TMPRSS12: variants seen among roughly 807,000 people sequenced by gnomAD.
TMPRSS12 encodes the protein transmembrane serine protease 12.
TMPRSS12 carries 25 observed loss-of-function variants against 26.0 expected under a neutral mutation model. That is an observed-to-expected ratio of 0.96 (90% CI 0.70 to 1.34). The LOEUF (loss-of-function observed/expected upper bound fraction) is 1.34. Ranked by LOEUF, TMPRSS12 falls within the 40% of genes most tolerant of loss-of-function variation. TMPRSS12 has a pLI of 0.00. For synonymous variants in TMPRSS12, 150 were observed against 161.7 expected (o/e 0.93, Z 0.55); for missense variants, 441 against 440.1 (o/e 1.00, Z -0.02).
chr12:50,874,194 AGAAG>A (rs1938092452), intron 3 of TMPRSS12, among the ~76,000 whole-genome samples: 1 of 152,202 alleles, frequency 6.6e-6, no homozygotes, highest in African/African-American at 2.4e-5. Flanking sequence ...CAGAAAATAG[AGAAG>A]GGAGTATTTC....
At position 50,864,354 on chromosome 12, in the gene TMPRSS12, A is replaced by G. The variant is rs563704942; in HGVS notation, c.652+5301A>G. On this transcript the variant is annotated intron_variant, in intron 3 of 4. Transcript: ENST00000398458. ...AATGGATTACAATAAAAAGATCACA[A>G]ATAATTAATATATTTAACATACATA... Among the ~76,000 whole-genome samples the G allele has an allele frequency of 2.6e-5, 4 of 152,284 alleles. No homozygotes were observed. The South Asian group carries it at 8.3e-4, about 32-fold the overall frequency.
chr12:50,874,971 A>G (rs1325662824), intron 3 of TMPRSS12, among the ~76,000 whole-genome samples: 1 of 152,232 alleles, frequency 6.6e-6, no homozygotes, highest in Non-Finnish European at 1.5e-5. Flanking sequence ...TTTCATGTTC[A>G]TAGACAGGAA....
In TMPRSS12 at chr12:50,867,307, T is replaced by G. The variant is rs539040667; in HGVS notation, c.652+8254T>G. Among the ~76,000 whole-genome samples, 3 of 152,272 alleles carry G rather than the reference T, an allele frequency of 2.0e-5. No homozygotes were observed. The South Asian group carries it at 6.2e-4, about 32-fold the overall frequency. On this transcript the variant is annotated intron_variant, in intron 3 of 4. Transcript: ENST00000398458. ...AGAAAAAACAAAACTTCAGGAAACA[T>G]TGGACACACTTACAGAAATGCAAAA... is the stretch of plus-strand genomic sequence containing the variant.
chr12:50,843,709 CGT>C (rs1937736482), intron 1 of TMPRSS12, 131 bp from the exon 2 acceptor site: 1 of 830,732 alleles, frequency 1.2e-6, no homozygotes, highest in African/African-American at 1.8e-5. Context: ...AAAATATGGG[CGT>C]GTCTCCGGTA....
At chr12:50,874,210 C>T (rs1938092581) in intron 3 of TMPRSS12, among the ~76,000 whole-genome samples, 1 of 151,974 alleles carries the variant, frequency 6.6e-6, no homozygotes, top group African/African-American at 2.4e-5. Flanking sequence ...GAGTATTTCC[C>T]AGATAATTAT....
intron 3 of TMPRSS12, among the ~76,000 whole-genome samples, chr12:50,864,221 C>T (rs1456454255): frequency 1.3e-5 from 2 of 152,198 alleles, no homozygotes; most frequent in Non-Finnish European, 2.9e-5. Flanking sequence ...AGCTTAGTAA[C>T]ATCCCAAGAT....
chr12:50,882,627 A>G (rs1314127126), intron 3 of TMPRSS12, among the ~76,000 whole-genome samples: 2 of 25,620 alleles, frequency 7.8e-5, no homozygotes, highest in African/African-American at 2.5e-4. Flanking sequence ...TTTAGTACTT[A>G]GACAAAACGA....
intron 3 of TMPRSS12, among the ~76,000 whole-genome samples, chr12:50,874,015 A>C (rs1938090909): frequency 6.6e-6 from 1 of 152,220 alleles, no homozygotes; most frequent in Admixed American, 6.5e-5. Context: ...AAGGAAAAAA[A>C]TTATAACTGG....
In TMPRSS12 at chr12:50,887,553, G is replaced by A. The variant is rs1216918435; in HGVS notation, c.*40G>A. 5 of 1,589,242 alleles carry A rather than the reference G, an allele frequency of 3.1e-6. No individual in the cohort carries two copies. Among genetic ancestry groups the A allele is most frequent in the Non-Finnish European group, 2.6e-6 (3 of 1,170,110 alleles). On this transcript the variant is annotated 3_prime_UTR_variant, in exon 5 of 5. Coordinates refer to ENST00000398458, the MANE Select transcript of TMPRSS12 (RefSeq NM_182559.3). ...CTTTCATATCTTTATTTTGCATTGT[G>A]TCCCTTTCTATGTTCTATATAATGA...
chr12:50,870,968 C>T (rs2139731012), intron 3 of TMPRSS12, among the ~76,000 whole-genome samples: 2 of 152,088 alleles, frequency 1.3e-5, no homozygotes, highest in South Asian at 2.1e-4. Flanking sequence ...AATGGAAACA[C>T]ATCCCATGCT....
At chr12:50,868,163 A>G (rs1938008796) in intron 3 of TMPRSS12, among the ~76,000 whole-genome samples, 1 of 152,224 alleles carries the variant, frequency 6.6e-6, no homozygotes, top group Non-Finnish European at 1.5e-5. Flanking sequence ...AACATTGAAT[A>G]TAAATGACCT....
intron 2 of TMPRSS12, among the ~76,000 whole-genome samples, chr12:50,857,649 T>TTTGC (rs534167774): frequency 2.5e-4 from 38 of 152,340 alleles, no homozygotes; most frequent in South Asian, 2.1e-3. Context: ...GGTTTAGTTT[T>TTTGC]TTGCTTGCTT....
chr12:50,846,553 A>G (rs60719536), intron 2 of TMPRSS12, among the ~76,000 whole-genome samples: 9,116 of 151,922 alleles, frequency 0.06, 922 homozygotes, highest in African/African-American at 0.21. Context: ...GATCTATAGT[A>G]AGTATTTTTT....
chr12:50,884,205 C>T (rs1469890493), intron 3 of TMPRSS12, among the ~76,000 whole-genome samples: 2 of 152,172 alleles, frequency 1.3e-5, no homozygotes, highest in Non-Finnish European at 2.9e-5. Flanking sequence ...TACAGTAAAA[C>T]ATTCCTTTAA....
intron 3 of TMPRSS12, among the ~76,000 whole-genome samples, chr12:50,879,574 A>G (rs1443048131): frequency 6.6e-6 from 1 of 152,220 alleles, no homozygotes; most frequent in African/African-American, 2.4e-5. Flanking sequence ...AAAATGATGT[A>G]AAGCAAAATA....
Position 50,887,742 on chromosome 12 carries a change from G to T in TMPRSS12, c.*229G>T, listed in dbSNP as rs1938242599. 1 of 449,346 alleles carries T rather than the reference G, an allele frequency of 2.2e-6. No individual in the cohort carries two copies. The highest frequency in any genetic ancestry group is 3.9e-6 in the Non-Finnish European group (1 of 259,264). The allele number at this position is 449,346 out of a possible 1,614,324, so 27.8% of individuals were successfully genotyped here. A position where few individuals can be genotyped will look rare whatever the true frequency, so the allele number is the denominator to read the frequency against. ...TTTTATAATCATAATTCTGTATCTG[G>T]AATACTCATAGAGTTTGTACAAAAT... is the stretch of plus-strand genomic sequence containing the variant. On this transcript the variant is annotated 3_prime_UTR_variant, in exon 5 of 5. Transcript: ENST00000398458.
intron 2 of TMPRSS12, among the ~76,000 whole-genome samples, chr12:50,848,984 C>T (rs1447490554): frequency 1.3e-5 from 2 of 152,246 alleles, no homozygotes; most frequent in African/African-American, 4.8e-5. Context: ...CCCACTTCAG[C>T]CTCCCCAGTA....
chr12:50,846,808 G>A (rs549749423), intron 2 of TMPRSS12, among the ~76,000 whole-genome samples: 2 of 151,848 alleles, frequency 1.3e-5, no homozygotes, highest in African/African-American at 4.8e-5. Flanking sequence ...TGAAACTCCT[G>A]GGCTCAAGTG....
At chr12:50,876,926 C>T (rs1005736202) in intron 3 of TMPRSS12, among the ~76,000 whole-genome samples, 13 of 151,852 alleles carry the variant, frequency 8.6e-5, no homozygotes, top group African/African-American at 2.4e-4. Context: ...AGTTGGAGGC[C>T]ATTATCCTAA....
Sources: gnomAD v4.1 joint callset for allele counts (sites outside exome capture counted in the v4.1 genomes callset) on GRCh38, gnomAD v4.1.1 for gene constraint, MANE v1.5 for transcripts, NCBI Gene and HGNC (gene_info 2026-07-23, HGNC 2026-07-21) for gene names.